ZSCAN2: variants seen among roughly 807,000 people sequenced by gnomAD.
ZSCAN2 encodes zinc finger and SCAN domain-containing protein 2.
In ZSCAN2, 26 loss-of-function variants were observed where a neutral mutation model predicts 47.8. The observed-to-expected ratio is 0.54, with a 90% CI of 0.40 to 0.75. ZSCAN2 has a LOEUF of 0.75. ZSCAN2 is among the 30% of genes least tolerant of loss of function. ZSCAN2 has a pLI of 0.00. For synonymous variants in ZSCAN2, 305 were observed against 288.7 expected, an observed-to-expected ratio of 1.06 and a Z score of -0.57; for missense variants, 732 against 785.4, an observed-to-expected ratio of 0.93 and a Z score of 0.81.
At position 84,621,297 on chromosome 15, in the gene ZSCAN2, G is replaced by A. The variant is rs770506908; in HGVS notation, c.1102G>A (p.Gly368Ser). The change falls in exon 3 of 3, where the codon GGC becomes AGC. Residue 368 changes from glycine to serine, a missense_variant. Around this residue, in one of 2 missense-constraint regions of ZSCAN2, gnomAD observed 412 missense variants for 498.0 expected, o/e 0.83. Transcript: ENST00000546148. This position sits in a 1 kb window ranked among gnomAD's most constrained non-coding sequence, Gnocchi z 5.7. ...GEKPYECKEC[G>S]ESFSYNSNLI... is the part of the protein sequence containing the mutation. Reference sequence around the variant, plus strand: ...AAAGCCCTACGAATGTAAAGAATGCGGCGAAAGCTTTAGTTACAACTCCAA... The same window carrying A: ...AAAGCCCTACGAATGTAAAGAATGCAGCGAAAGCTTTAGTTACAACTCCAA... 1.8e-5 allele frequency: 29 copies of A among 1,613,814 alleles called. No individual in the cohort carries two copies. The highest frequency in any genetic ancestry group is 1.6e-4 in the Middle Eastern group (1 of 6,082).
chr15:84,615,295 A>T (rs182206471), intron 2 of ZSCAN2, among the ~76,000 whole-genome samples: 1 of 151,902 alleles, frequency 6.6e-6, no homozygotes, highest in African/African-American at 2.4e-5. Flanking sequence ...TGAGAACTCC[A>T]GTTATGTTTA....
In ZSCAN2 at chr15:84,604,184, G is replaced by A; in HGVS notation, c.257G>A (p.Arg86His). Residue 86 changes from arginine to histidine, a missense_variant, in exon 2 of 3, where the codon CGC (arginine) becomes CAC (histidine). Physicochemically the swap from Arg to His is conservative, Grantham distance 29 (BLOSUM62 0). Around this residue, in one of 2 missense-constraint regions of ZSCAN2, gnomAD observed 320 missense variants for 287.4 expected, o/e 1.11. Coordinates refer to ENST00000546148, the MANE Select transcript of ZSCAN2 (RefSeq NM_181877.4). ...GGCCGCCTCCGAGAGCTCTGCCGGC[G>A]CTGGCTGAGACCAGAGGTACACACC... is the stretch of plus-strand genomic sequence containing the variant. The part of the protein sequence containing the change: ...ALGRLRELCR[R>H]WLRPEVHTKE... 1 of 1,613,660 alleles carries A rather than the reference G, an allele frequency of 6.2e-7. No individual in the cohort carries two copies. The highest frequency in any genetic ancestry group is 1.1e-5 in the South Asian group (1 of 91,056).
rs150032800 is a variant in ZSCAN2, at chr15:84,603,799, G to A, written c.-108-21G>A. The A allele has an allele frequency of 2.8e-5, 32 of 1,139,004 alleles. No individual in the cohort carries two copies. In the African/African-American group the frequency reaches 4.5e-4, roughly 16 times the overall value. 70.6% of individuals were successfully genotyped at this position (1,139,004 alleles called of 1,614,324 possible). ...TAGGACAGTCTACCTATGGATTATG[G>A]TTCTCTTTTTTGTTTCTCAGCGGGA... is the stretch of plus-strand genomic sequence containing the variant. On this transcript the variant is annotated intron_variant, in intron 1 of 2. Coordinates refer to ENST00000546148, the MANE Select transcript of ZSCAN2 (RefSeq NM_181877.4).
intron 2 of ZSCAN2, among the ~76,000 whole-genome samples, chr15:84,613,470 G>A (rs1353610463): frequency 1.3e-5 from 2 of 151,674 alleles, no homozygotes; most frequent in African/African-American, 4.9e-5. Flanking sequence ...ACAGGCGCCC[G>A]CCACCACACC....
chr15:84,620,577 T>C (rs760785348), intron 2 of ZSCAN2, 25 bp from the exon 3 acceptor site: 1 of 1,565,552 alleles, frequency 6.4e-7, no homozygotes, highest in Non-Finnish European at 8.7e-7. Context: ...GAGTAGACAT[T>C]GTATGTTTTT....
At chr15:84,620,098 C>T (rs552512699) in intron 2 of ZSCAN2, among the ~76,000 whole-genome samples, 48 of 152,186 alleles carry the variant, frequency 3.2e-4, no homozygotes, top group Middle Eastern at 3.4e-3. Flanking sequence ...TGCTCTCCCT[C>T]CCCCTCCCCC....
chr15:84,620,934 G>A lies in ZSCAN2; in HGVS notation c.739G>A (p.Glu247Lys). Residue 247 changes from glutamate (E) to lysine (K), a missense_variant, in exon 3 of 3, where the codon GAG (glutamate) becomes AAG (lysine). Coordinates refer to ENST00000546148, the MANE Select transcript of ZSCAN2 (RefSeq NM_181877.4). ...CACACACGAGAGGACCCACACAGGA[G>A]AGAAATACTACAAATGTGATGAATG... The part of the protein sequence containing the change: ...LITHERTHTG[E>K]KYYKCDECGK... 6.2e-7 allele frequency: 1 copy of A among 1,614,178 alleles called. No individual in the cohort carries two copies. Among genetic ancestry groups the A allele is most frequent in the South Asian group, 1.1e-5 (1 of 91,078 alleles).
chr15:84,622,578 G>A lies in ZSCAN2; in HGVS notation c.*538G>A. On this transcript the variant is annotated 3_prime_UTR_variant, in exon 3 of 3. Coordinates refer to ENST00000546148, the MANE Select transcript of ZSCAN2 (RefSeq NM_181877.4). ...TTGGTGTCTTGGGCTTTGATTTCAG[G>A]TCAAGATGGAGGGGCTTCTCCAGTT... The A allele has an allele frequency of 1.4e-6, 1 of 716,478 alleles. No individual in the cohort carries two copies. The highest frequency in any genetic ancestry group is 1.5e-5 in the South Asian group (1 of 67,454). The allele number at this position is 716,478 out of a possible 1,614,324, so 44.4% of individuals were successfully genotyped here.
chr15:84,621,599 C>T lies in ZSCAN2; in HGVS notation c.1404C>T (p.His468=). Residue 468 remains histidine (H), a synonymous_variant, in exon 3 of 3, where the codon CAC becomes CAT. Coordinates refer to ENST00000546148, the MANE Select transcript of ZSCAN2 (RefSeq NM_181877.4). The surrounding 1 kb of genome is among the most constrained non-coding windows in gnomAD (Gnocchi z 5.7). ...GTCTGATTGCACACCAGGGCATGCA[C>T]ACAGGGGAGAAACCCTACGAGTGCC... ...SSSLIAHQGM[H]TGEKPYECLT... 1.2e-6 allele frequency: 2 copies of T among 1,614,150 alleles called. No homozygotes were observed. The highest frequency in any genetic ancestry group is 2.2e-5 in the South Asian group (2 of 91,082).
intron 1 of ZSCAN2, among the ~76,000 whole-genome samples, chr15:84,601,511 C>T (rs926596931): frequency 6.6e-6 from 1 of 152,196 alleles, no homozygotes; most frequent in Non-Finnish European, 1.5e-5. Flanking sequence ...TTCCCAGGCT[C>T]CCAAGTAGGA....
intron 2 of ZSCAN2, among the ~76,000 whole-genome samples, chr15:84,620,285 T>C (rs1895785986): frequency 6.6e-6 from 1 of 152,334 alleles, no homozygotes; most frequent in African/African-American, 2.4e-5. Flanking sequence ...ATTCTTTTTT[T>C]TGGCTGCATA....
chr15:84,616,667 C>A lies in ZSCAN2; in HGVS notation c.407-3935C>A, dbSNP rs1421496928. On this transcript the variant is annotated intron_variant, in intron 2 of 2. Transcript: ENST00000546148. ...CTAACCAGTTCTGATTTTAAAACAG[C>A]AAAAACAGCCTTATTAGCTAATGTT... 3 of 1,105,458 alleles carry A rather than the reference C, an allele frequency of 2.7e-6. No individual in the cohort carries two copies. In the African/African-American group the frequency reaches 4.9e-5, roughly 18 times the overall value. The allele number at this position is 1,105,458 out of a possible 1,614,324, so 68.5% of individuals were successfully genotyped here.
intron 2 of ZSCAN2, among the ~76,000 whole-genome samples, chr15:84,605,886 C>T (rs1895366274): frequency 6.6e-6 from 1 of 152,224 alleles, no homozygotes; most frequent in Non-Finnish European, 1.5e-5. Flanking sequence ...ATATGGAAAA[C>T]TCATGTAATC....
intron 2 of ZSCAN2, among the ~76,000 whole-genome samples, chr15:84,609,318 CATATG>C (rs938602339): frequency 1.1e-4 from 17 of 149,170 alleles, no homozygotes; most frequent in East Asian, 1.9e-4. Flanking sequence ...TGATATATCT[CATATG>C]ATATATATAT....
Position 84,621,155 on chromosome 15 carries a change from C to T in ZSCAN2, c.960C>T (p.Asn320=), listed in dbSNP as rs1895807254. ...ECGKSFSRSP[N]LIAHQRTHTG... ...GCAAGAGCTTCAGCAGGAGTCCCAA[C>T]CTCATTGCACATCAGCGCACCCACA... Residue 320 remains asparagine (N), a synonymous_variant, in exon 3 of 3, where the codon AAC becomes AAT. Coordinates refer to ENST00000546148, the MANE Select transcript of ZSCAN2 (RefSeq NM_181877.4). The surrounding 1 kb of genome is among the most constrained non-coding windows in gnomAD (Gnocchi z 5.7). The T allele has an allele frequency of 1.9e-6, 3 of 1,614,004 alleles. No homozygotes were observed. The highest frequency in any genetic ancestry group is 2.5e-6 in the Non-Finnish European group (3 of 1,179,994).
intron 2 of ZSCAN2, among the ~76,000 whole-genome samples, chr15:84,617,594 G>T (rs576153060): frequency 4.8e-4 from 73 of 152,148 alleles, no homozygotes; most frequent in Admixed American, 8.5e-4. Flanking sequence ...CCAGCAGCAT[G>T]TGTCAGTGTA....
intron 2 of ZSCAN2, among the ~76,000 whole-genome samples, chr15:84,609,318 C>T (rs1390717915): frequency 6.7e-6 from 1 of 149,170 alleles, no homozygotes; most frequent in African/African-American, 2.5e-5. Flanking sequence ...TGATATATCT[C>T]ATATGATATA....
intron 2 of ZSCAN2, among the ~76,000 whole-genome samples, chr15:84,617,786 A>C (rs2141793336): frequency 6.6e-6 from 1 of 152,212 alleles, no homozygotes; most frequent in African/African-American, 2.4e-5. Flanking sequence ...AAATACAAAA[A>C]AATTAGCTGG....
In ZSCAN2 at chr15:84,622,758, C is replaced by T. The variant is rs1321951464; in HGVS notation, c.*718C>T. On this transcript the variant is annotated 3_prime_UTR_variant, in exon 3 of 3. Coordinates refer to ENST00000546148, the MANE Select transcript of ZSCAN2 (RefSeq NM_181877.4). ...CTTCAGGAAAGGGGTAAACCGAGGA[C>T]ATTTCAGTGCTTGCTTTTGTCTCTG... 7.1e-6 allele frequency: 5 copies of T among 701,804 alleles called. No homozygotes were observed. The Admixed American group carries it at 1.1e-4, about 15-fold the overall frequency. 43.5% of individuals were successfully genotyped at this position (701,804 alleles called of 1,614,324 possible). A position where few individuals can be genotyped will look rare whatever the true frequency, so the allele number is the denominator to read the frequency against.
Sources: allele counts gnomAD v4.1 joint callset (sites outside exome capture counted in the v4.1 genomes callset), GRCh38; gene constraint gnomAD v4.1.1; regional missense constraint gnomAD v4.1.1; non-coding constraint Gnocchi (gnomAD v3.1); transcripts MANE v1.5; gene names NCBI Gene and HGNC (gene_info 2026-07-23, HGNC 2026-07-21).